The following PRKG1 variants were observed in gnomAD, a reference collection of about 807,000 sequenced individuals.
The protein encoded by PRKG1 is cGMP-dependent protein kinase 1.
In PRKG1, 35 loss-of-function variants were observed where a neutral mutation model predicts 88.1. The ratio of observed to expected loss-of-function variants is 0.40; its 90% CI spans 0.30 to 0.53. PRKG1 has a LOEUF of 0.53. PRKG1 is among the 20% of genes least tolerant of loss of function. The pLI is 0.59. For missense variants in PRKG1, 540 were observed against 839.8 expected (o/e 0.64, Z 4.41); for synonymous variants, 303 against 292.5 (o/e 1.04, Z -0.37).
At chr10:51,501,862 AT>A (rs1841036960) in intron 3 of PRKG1, among the ~76,000 whole-genome samples, 1 of 143,064 alleles carries the variant, frequency 7.0e-6, no homozygotes, top group Non-Finnish European at 1.5e-5. Context: ...TTGACCAAAT[AT>A]GGGCACAGAT....
intron 2 of PRKG1, among the ~76,000 whole-genome samples, chr10:51,272,353 T>G (rs1840002987): frequency 6.8e-6 from 1 of 146,770 alleles, no homozygotes; most frequent in African/African-American, 2.7e-5. Context: ...ACTGGGCTTA[T>G]CGTGGGGTGG....
intron 3 of PRKG1, among the ~76,000 whole-genome samples, chr10:51,780,511 A>C (rs1368632028): frequency 1.3e-5 from 2 of 152,202 alleles, no homozygotes; most frequent in Admixed American, 6.6e-5. Flanking sequence ...ATGCTCATGT[A>C]CATGATCAAG....
intron 1 of PRKG1, among the ~76,000 whole-genome samples, chr10:51,141,695 C>G (rs1200593114): frequency 1.3e-5 from 2 of 152,090 alleles, no homozygotes; most frequent in African/African-American, 4.8e-5. Context: ...TCTTTTTTCT[C>G]AACCTTCCTT....
upstream of PRKG1, among the ~76,000 whole-genome samples, chr10:51,069,783 T>C (rs912028008): frequency 1.3e-5 from 2 of 152,122 alleles, no homozygotes; most frequent in Non-Finnish European, 1.5e-5. Flanking sequence ...ATATTTTGAA[T>C]TGAATAGGGT....
intron 1 of PRKG1, among the ~76,000 whole-genome samples, chr10:51,077,687 A>ATTCCAG (rs1843993165): frequency 6.6e-6 from 1 of 152,178 alleles, no homozygotes; most frequent in Admixed American, 6.5e-5. Flanking sequence ...CTGAGCCAGG[A>ATTCCAG]CACTCCTGCT....
intron 2 of PRKG1, among the ~76,000 whole-genome samples, chr10:51,344,249 G>A (rs2132552339): frequency 6.6e-6 from 1 of 152,234 alleles, no homozygotes; most frequent in Admixed American, 6.5e-5. Context: ...GTAGGAGCAG[G>A]AGAGAGAGCT....
At chr10:51,027,926 C>G (rs146134854) in intron 1 of PRKG1, among the ~76,000 whole-genome samples, 2,835 of 152,222 alleles carry the variant, frequency 0.019, 35 homozygotes, top group Non-Finnish European at 0.024. Context: ...GAAACAATCT[C>G]CTGGTTGTAA....
At chr10:52,078,042 G>A (rs1054623234) in intron 7 of PRKG1, among the ~76,000 whole-genome samples, 1 of 152,166 alleles carries the variant, frequency 6.6e-6, no homozygotes, top group Non-Finnish European at 1.5e-5. Flanking sequence ...TCTACTCGAC[G>A]ACATCGTTGC....
chr10:51,792,892 C>T (rs1283717954), intron 3 of PRKG1, among the ~76,000 whole-genome samples: 1 of 151,736 alleles, frequency 6.6e-6, no homozygotes, highest in African/African-American at 2.4e-5. Context: ...CTGAAGACCA[C>T]CTAAAGACAG....
intron 2 of PRKG1, among the ~76,000 whole-genome samples, chr10:51,201,901 TGACA>T (rs1329733889): frequency 6.6e-6 from 1 of 152,248 alleles, no homozygotes; most frequent in Admixed American, 6.5e-5. Context: ...TACCCCAAAC[TGACA>T]GACAGCAAGT....
rs989342590 is a variant in PRKG1, at chr10:51,523,403, T to C, written c.592+55567T>C. On this transcript the variant is annotated intron_variant, in intron 3 of 17. Transcript: ENST00000373980. ...TAGTCCATACTAAGCAGTCCTCCAA[T>C]ACATTATCTCATTGAACATACAGCA... Among the ~76,000 whole-genome samples the C allele has an allele frequency of 3.3e-5, 5 of 152,324 alleles. No homozygotes were observed. The East Asian group carries it at 9.7e-4, about 29-fold the overall frequency.
intron 2 of PRKG1, among the ~76,000 whole-genome samples, chr10:51,414,831 G>T (rs929704516): frequency 6.6e-6 from 1 of 151,934 alleles, no homozygotes; most frequent in South Asian, 2.1e-4. Context: ...ATTTTATTTG[G>T]TTTTTAAATA....
chr10:51,751,275 T>A (rs1383736500), intron 3 of PRKG1, among the ~76,000 whole-genome samples: 1 of 152,176 alleles, frequency 6.6e-6, no homozygotes, highest in African/African-American at 2.4e-5. Flanking sequence ...TCTCCCTCTG[T>A]TGCCCAGGCT....
chr10:52,047,543 G>A (rs905944367), intron 5 of PRKG1, among the ~76,000 whole-genome samples: 9 of 152,092 alleles, frequency 5.9e-5, no homozygotes, highest in Admixed American at 2.0e-4. Flanking sequence ...ATTTTATGCT[G>A]TTATGAATAG....
At chr10:51,056,244 G>C (rs933300302) in intron 1 of PRKG1, among the ~76,000 whole-genome samples, 2 of 152,176 alleles carry the variant, frequency 1.3e-5, no homozygotes, top group Non-Finnish European at 2.9e-5. Context: ...TGCTATTTGT[G>C]TTTAGCTGGG....
chr10:52,187,636 T>A (rs954706641), intron 9 of PRKG1, among the ~76,000 whole-genome samples: 3 of 152,220 alleles, frequency 2.0e-5, no homozygotes, highest in African/African-American at 7.2e-5. Context: ...GGGCATGACA[T>A]TCTTTAAATT....
rs568154638 is a variant in PRKG1 at position 52,038,978 on chromosome 10, G to A, written c.763-15506G>A. ...GAGGCCGCTTACCTGATTTAAAATT[G>A]GTGAGATGTTCCTTGGGCTGGTCAG... On this transcript the variant is annotated intron_variant, in intron 5 of 17. Transcript: ENST00000373980. Among the ~76,000 whole-genome samples, 70 of 152,316 alleles carry A rather than the reference G, an allele frequency of 4.6e-4. No individual in the cohort carries two copies. The Middle Eastern group carries it at 0.01, about 22-fold the overall frequency.
intron 2 of PRKG1, among the ~76,000 whole-genome samples, chr10:51,459,152 C>T (rs961450150): frequency 1.3e-5 from 2 of 151,958 alleles, no homozygotes; most frequent in African/African-American, 4.8e-5. Context: ...TATCCTGACC[C>T]CTCTATTCTT....
intron 3 of PRKG1, among the ~76,000 whole-genome samples, chr10:51,601,190 C>T (rs1838589318): frequency 2.0e-5 from 3 of 151,748 alleles, no homozygotes; most frequent in Admixed American, 2.0e-4. Flanking sequence ...AGTTGTATTC[C>T]CAACTTCTTG....
Sources: allele counts gnomAD v4.1 joint callset (sites outside exome capture counted in the v4.1 genomes callset), GRCh38; gene constraint gnomAD v4.1.1; transcripts MANE v1.5; gene names NCBI Gene and HGNC (gene_info 2026-07-23, HGNC 2026-07-21).